THSD7B: variants seen among roughly 807,000 people sequenced by gnomAD.
The protein encoded by THSD7B is thrombospondin type-1 domain-containing protein 7B.
THSD7B carries 138 observed loss-of-function variants against 213.6 expected under a neutral mutation model. That is an observed-to-expected ratio of 0.65 (90% CI 0.56 to 0.74). The LOEUF is 0.74. Ranked by LOEUF, THSD7B falls within the 30% of genes least tolerant of loss-of-function variation. The pLI is 0.00. For missense variants in THSD7B, 1,931 were observed against 1,991.5 expected, an observed-to-expected ratio of 0.97 and a Z score of 0.58; for synonymous variants, 742 against 687.0, an observed-to-expected ratio of 1.08 and a Z score of -1.25.
chr2:137,407,496 C>T (rs1358175932), intron 13 of THSD7B, among the ~76,000 whole-genome samples: 1 of 151,938 alleles, frequency 6.6e-6, no homozygotes, highest in Admixed American at 6.6e-5. Flanking sequence ...AAAAAAATCC[C>T]ACTAATGAAT....
intron 1 of THSD7B, among the ~76,000 whole-genome samples, chr2:136,777,356 C>A (rs969373990): frequency 2.6e-5 from 4 of 152,136 alleles, no homozygotes; most frequent in African/African-American, 9.7e-5. Context: ...TCATCTCTTG[C>A]CCTCCTTTCA....
At chr2:137,291,767 A>G (rs1446287754) in intron 12 of THSD7B, among the ~76,000 whole-genome samples, 1 of 152,122 alleles carries the variant, frequency 6.6e-6, no homozygotes, top group Non-Finnish European at 1.5e-5. Context: ...TGAGATGATG[A>G]GAAAATGCCA....
intron 3 of THSD7B, among the ~76,000 whole-genome samples, chr2:137,059,979 T>C (rs1687241798): frequency 6.6e-6 from 1 of 152,192 alleles, no homozygotes; most frequent in Admixed American, 6.5e-5. Flanking sequence ...TGTGCCACTT[T>C]GCAATGCCAC....
chr2:137,313,735 G>T (rs1040086618), intron 12 of THSD7B, among the ~76,000 whole-genome samples: 2 of 152,110 alleles, frequency 1.3e-5, no homozygotes, highest in African/African-American at 4.8e-5. Context: ...TTGCTTGTCT[G>T]TAAAGGATTT....
At chr2:137,199,503 T>G (rs1054796520) in intron 7 of THSD7B, among the ~76,000 whole-genome samples, 1 of 152,210 alleles carries the variant, frequency 6.6e-6, no homozygotes, top group African/African-American at 2.4e-5. Context: ...ACACTTGTCA[T>G]GTTTTGAAAT....
At chr2:137,654,054 T>A (rs970641140) in intron 21 of THSD7B, among the ~76,000 whole-genome samples, 11 of 152,212 alleles carry the variant, frequency 7.2e-5, no homozygotes, top group African/African-American at 2.7e-4. Flanking sequence ...TTTTGGTTTT[T>A]ACTGGATATT....
intron 14 of THSD7B, among the ~76,000 whole-genome samples, chr2:137,428,521 G>C (rs1318451732): frequency 6.6e-6 from 1 of 152,116 alleles, no homozygotes; most frequent in African/African-American, 2.4e-5. Flanking sequence ...TTTACAGCTA[G>C]AGAGTGAAAA....
intron 7 of THSD7B, among the ~76,000 whole-genome samples, chr2:137,224,963 T>A (rs1681462061): frequency 1.3e-5 from 2 of 152,224 alleles, no homozygotes; most frequent in South Asian, 4.1e-4. Context: ...TATTATTTCT[T>A]ATCTAAAGTA....
At chr2:137,491,739 G>T (rs1337269767) in intron 15 of THSD7B, among the ~76,000 whole-genome samples, 1 of 152,066 alleles carries the variant, frequency 6.6e-6, no homozygotes, top group African/African-American at 2.4e-5. Flanking sequence ...CTTTTAAAAA[G>T]ATTTATGTCT....
intron 17 of THSD7B, among the ~76,000 whole-genome samples, chr2:137,605,270 C>G (rs1184830934): frequency 1.3e-5 from 2 of 152,060 alleles, no homozygotes; most frequent in African/African-American, 2.4e-5. Context: ...TCCTTTTTAC[C>G]CTATGTCCTT....
intron 12 of THSD7B, among the ~76,000 whole-genome samples, chr2:137,381,181 C>T (rs1361169538): frequency 2.6e-5 from 4 of 152,162 alleles, no homozygotes; most frequent in Non-Finnish European, 5.9e-5. Context: ...TTGTGGTACC[C>T]GGTGGCAGCC....
At chr2:137,109,655 C>T (rs996334458) in intron 4 of THSD7B, among the ~76,000 whole-genome samples, 4 of 152,120 alleles carry the variant, frequency 2.6e-5, no homozygotes, top group African/African-American at 7.2e-5. Flanking sequence ...AGGGTTTGCA[C>T]TCCTGTGAGA....
intron 15 of THSD7B, among the ~76,000 whole-genome samples, chr2:137,484,200 G>A (rs1688375088): frequency 7.4e-6 from 1 of 134,396 alleles, no homozygotes; most frequent in Non-Finnish European, 1.5e-5. Context: ...TCCCCAGAGT[G>A]TGATGTTCCC....
rs540945519 is a variant in THSD7B, at chr2:137,400,305, C to T, written c.2501-5308C>T. On this transcript the variant is annotated intron_variant, in intron 12 of 27. Coordinates refer to ENST00000409968, the MANE Select transcript of THSD7B (RefSeq NM_001316349.2). ...TGTTGTAATACCTTGTTTTTTTTTT[C>T]TTTCCATGATTTTTGTGTGTTTGCA... is the stretch of plus-strand genomic sequence containing the variant. Among the ~76,000 whole-genome samples the T allele has an allele frequency of 1.3e-3, 193 of 149,138 alleles. 1 individual carries two copies. Among genetic ancestry groups the T allele is most frequent in the African/African-American group, 4.1e-3 (168 of 40,674 alleles).
At chr2:137,666,849 A>C (rs1683457774) in intron 26 of THSD7B, among the ~76,000 whole-genome samples, 1 of 152,144 alleles carries the variant, frequency 6.6e-6, no homozygotes. Flanking sequence ...ATATAGAATA[A>C]AAGTAACATA....
At chr2:137,295,941 T>C (rs535738931) in intron 12 of THSD7B, among the ~76,000 whole-genome samples, 2 of 152,272 alleles carry the variant, frequency 1.3e-5, no homozygotes, top group African/African-American at 4.8e-5. Flanking sequence ...TGATCTGACC[T>C]CTTTCACTCA....
chr2:137,207,497 C>A lies in THSD7B; in HGVS notation c.1724-23547C>A, dbSNP rs557005517. ...TTTCTAGATGTTTTTTGCTGTTAATCTTTTAACCACCAGAGTGTAATGCAA... is the reference window on the plus strand; with the variant it reads ...TTTCTAGATGTTTTTTGCTGTTAATATTTTAACCACCAGAGTGTAATGCAA... On this transcript the variant is annotated intron_variant, in intron 7 of 27. Coordinates refer to ENST00000409968, the MANE Select transcript of THSD7B (RefSeq NM_001316349.2). 7.2e-5 allele frequency among the ~76,000 whole-genome samples: 11 copies of A among 152,154 alleles called. 1 individual carries two copies. In the South Asian group the frequency reaches 2.3e-3, roughly 32 times the overall value.
At chr2:136,862,005 C>G (rs947997323) in intron 1 of THSD7B, among the ~76,000 whole-genome samples, 1 of 152,164 alleles carries the variant, frequency 6.6e-6, no homozygotes, top group African/African-American at 2.4e-5. Flanking sequence ...GCCATGTGGA[C>G]TCTTAATAGA....
At chr2:136,777,559 A>G (rs1681634778) in intron 1 of THSD7B, among the ~76,000 whole-genome samples, 1 of 152,198 alleles carries the variant, frequency 6.6e-6, no homozygotes, top group Non-Finnish European at 1.5e-5. Context: ...TAAAAGAAGA[A>G]TCTTAGTATA....
Sources: allele counts gnomAD v4.1 joint callset (sites outside exome capture counted in the v4.1 genomes callset), GRCh38; gene constraint gnomAD v4.1.1; transcripts MANE v1.5; gene names NCBI Gene and HGNC (gene_info 2026-07-23, HGNC 2026-07-21).